PDZD2: variants seen among roughly 807,000 people sequenced by gnomAD.
The protein encoded by PDZD2 is PDZ domain containing 2, also known as PDZ domain-containing protein 2.
Under a neutral mutation model 220.7 loss-of-function variants are expected in PDZD2, and 90 were observed. That is an observed-to-expected ratio of 0.41 (90% confidence interval 0.34 to 0.49). PDZD2 has a LOEUF of 0.49. PDZD2 is among the 20% of genes least tolerant of loss of function. The pLI is 0.28. For missense variants in PDZD2, 3,174 were observed against 3,608.5 expected (o/e 0.88, Z 3.08); for synonymous variants, 1,375 against 1,450.5 (o/e 0.95, Z 1.18).
At chr5:31,777,439 G>GGGCGCCGCCCCCTGCTCCGT (rs1424291822) in intron 1 of PDZD2, among the ~76,000 whole-genome samples, 1 of 147,790 alleles carries the variant, frequency 6.8e-6, no homozygotes, top group Non-Finnish European at 1.5e-5. Flanking sequence ...CCTCCCCGAC[G>GGGCGCCGCCCCCTGCTCCGT]GGCGCCGCCC....
intron 2 of PDZD2, among the ~76,000 whole-genome samples, chr5:31,886,767 G>C (rs377146460): frequency 6.6e-6 from 1 of 151,446 alleles, no homozygotes; most frequent in Admixed American, 6.6e-5. Flanking sequence ...GTGCGATCTC[G>C]GCTCACTGCA....
chr5:31,975,278 C>T (rs1279302403), intron 2 of PDZD2, among the ~76,000 whole-genome samples: 3 of 152,144 alleles, frequency 2.0e-5, no homozygotes, highest in Admixed American at 2.0e-4. Context: ...AGCAAAGTCA[C>T]ATCTTACATG....
intron 2 of PDZD2, among the ~76,000 whole-genome samples, chr5:31,848,870 A>G (rs1314275186): frequency 6.6e-6 from 1 of 152,134 alleles, no homozygotes; most frequent in Non-Finnish European, 1.5e-5. Context: ...TAACACGGTG[A>G]AACCCCGTCT....
At chr5:31,865,335 C>G (rs1311300025) in intron 2 of PDZD2, among the ~76,000 whole-genome samples, 1 of 151,910 alleles carries the variant, frequency 6.6e-6, no homozygotes, top group African/African-American at 2.4e-5. Context: ...TTTTTTGAGA[C>G]AAGGTCTTGC....
intron 2 of PDZD2, among the ~76,000 whole-genome samples, chr5:31,942,427 T>C (rs1025874290): frequency 8.5e-5 from 13 of 152,188 alleles, no homozygotes; most frequent in Non-Finnish European, 1.9e-4. Flanking sequence ...AATGTAATTA[T>C]TTCATGGCAC....
chr5:31,992,896 C>T (rs1417704948), intron 3 of PDZD2, among the ~76,000 whole-genome samples: 1 of 150,554 alleles, frequency 6.6e-6, no homozygotes, highest in Non-Finnish European at 1.5e-5. Flanking sequence ...ATCCTACTCT[C>T]GCGTGTGCCG....
At chr5:32,074,962 C>T (rs988267705) in intron 18 of PDZD2, among the ~76,000 whole-genome samples, 4 of 152,112 alleles carry the variant, frequency 2.6e-5, no homozygotes, top group African/African-American at 7.2e-5. Flanking sequence ...AGGCGCACAC[C>T]ACCACGCCTG....
chr5:31,703,936 T>TCC (rs1412416054), intron 1 of PDZD2, among the ~76,000 whole-genome samples: 1 of 142,172 alleles, frequency 7.0e-6, no homozygotes, highest in Non-Finnish European at 1.5e-5. Flanking sequence ...CTCTCTCCTC[T>TCC]CTCTCTCTCT....
In PDZD2 at chr5:32,069,139, G is replaced by A. The variant is rs192058628; in HGVS notation, c.2452-430G>A. On this transcript the variant is annotated intron_variant, in intron 14 of 24. Coordinates refer to ENST00000438447, the MANE Select transcript of PDZD2 (RefSeq NM_178140.4). The stretch of plus-strand genomic sequence containing the variant: ...AAATTAGCCAGGCGTGGTGGTGCGC[G>A]CCTATAGTCCCAGCTACTTGGGAGG... Among the ~76,000 whole-genome samples the A allele has an allele frequency of 1.9e-3, 290 of 151,740 alleles. 5 individuals are homozygous for A. The highest frequency in any genetic ancestry group is 3.3e-3 in the South Asian group (16 of 4,788).
intron 1 of PDZD2, among the ~76,000 whole-genome samples, chr5:31,731,381 T>G (rs1209806038): frequency 6.6e-6 from 1 of 152,198 alleles, no homozygotes; most frequent in Non-Finnish European, 1.5e-5. Context: ...CAGTGGCATT[T>G]AGTATGTCCG....
chr5:31,782,782 C>T (rs1361774924), intron 1 of PDZD2, among the ~76,000 whole-genome samples: 2 of 140,846 alleles, frequency 1.4e-5, no homozygotes, highest in Admixed American at 7.7e-5. Flanking sequence ...GGCACGATCT[C>T]GGCTTACCAC....
intron 18 of PDZD2, among the ~76,000 whole-genome samples, chr5:32,076,288 G>GAAAAAA (rs67898034): frequency 1.7e-3 from 152 of 87,842 alleles, no homozygotes; most frequent in Middle Eastern, 6.7e-3. Context: ...TCGGTCTCAA[G>GAAAAAA]AAAAAAAAAA....
In PDZD2 at chr5:31,837,311, CA is replaced by C. The variant is rs1757005060; in HGVS notation, c.476+37588del. 3.9e-5 allele frequency among the ~76,000 whole-genome samples: 6 copies of C among 152,262 alleles called. No individual in the cohort carries two copies. The South Asian group carries it at 1.2e-3, about 32-fold the overall frequency. Reference sequence around the variant, plus strand: ...AGGTGAAGAGACTCCCTTTGGGTACCAGGGGGAGCAGAGTCACGACAAGCAG... The same window carrying C: ...AGGTGAAGAGACTCCCTTTGGGTACCGGGGGAGCAGAGTCACGACAAGCAG... On this transcript the variant is annotated intron_variant, in intron 2 of 24. Coordinates refer to ENST00000438447, the MANE Select transcript of PDZD2 (RefSeq NM_178140.4).
chr5:31,779,111 G>A (rs1752900325), intron 1 of PDZD2, among the ~76,000 whole-genome samples: 1 of 151,998 alleles, frequency 6.6e-6, no homozygotes, highest in South Asian at 2.1e-4. Flanking sequence ...TGTGACAGAA[G>A]TCAAACTCCA....
chr5:31,965,839 C>T lies in PDZD2; in HGVS notation c.477-17316C>T, dbSNP rs138138466. ...ACTTGAACCCAAGAGGCAGAGGTTG[C>T]GGTGAGCCTGGATCGCACCATTGCA... On this transcript the variant is annotated intron_variant, in intron 2 of 24. Coordinates refer to ENST00000438447, the MANE Select transcript of PDZD2 (RefSeq NM_178140.4). Among the ~76,000 whole-genome samples the T allele has an allele frequency of 4.7e-3, 722 of 152,162 alleles. 4 individuals are homozygous for T. The highest frequency in any genetic ancestry group is 0.017 in the African/African-American group (691 of 41,496).
intron 19 of PDZD2, among the ~76,000 whole-genome samples, chr5:32,079,733 C>T (rs1367288781): frequency 6.6e-6 from 1 of 152,054 alleles, no homozygotes; most frequent in Non-Finnish European, 1.5e-5. Flanking sequence ...ATCGTTTAAA[C>T]CCAGGAGGCA....
At position 31,950,389 on chromosome 5, in the gene PDZD2, T is replaced by G. The variant is rs916047363; in HGVS notation, c.477-32766T>G. On this transcript the variant is annotated intron_variant, in intron 2 of 24. Transcript: ENST00000438447. ...GAGGAAGGCTGGATTTTATATACTT[T>G]ATTTTCATTAAGTGGATCCTCATTC... Among the ~76,000 whole-genome samples the G allele has an allele frequency of 3.9e-5, 6 of 152,346 alleles. No homozygotes were observed. The South Asian group carries it at 1.0e-3, about 26-fold the overall frequency.
intron 1 of PDZD2, among the ~76,000 whole-genome samples, chr5:31,750,873 C>G (rs1326685859): frequency 6.6e-6 from 1 of 152,100 alleles, no homozygotes; most frequent in Non-Finnish European, 1.5e-5. Flanking sequence ...TAATGTTACG[C>G]AGCACTTTGA....
intron 14 of PDZD2, among the ~76,000 whole-genome samples, chr5:32,066,091 C>T (rs375390095): frequency 1.2e-4 from 19 of 152,014 alleles, no homozygotes; most frequent in Middle Eastern, 3.4e-3. Context: ...ATGTGTAATC[C>T]GAGCACTTTG....
Sources: allele counts gnomAD v4.1 joint callset (sites outside exome capture counted in the v4.1 genomes callset), GRCh38; gene constraint gnomAD v4.1.1; transcripts MANE v1.5; gene names NCBI Gene and HGNC (gene_info 2026-07-23, HGNC 2026-07-21).